WIPF2: variants seen among roughly 807,000 people sequenced by gnomAD.
The protein encoded by WIPF2 is WAS/WASL-interacting protein family member 2.
In WIPF2, 23 loss-of-function variants were observed where a neutral mutation model predicts 38.8. The ratio of observed to expected loss-of-function variants is 0.59; its 90% CI spans 0.43 to 0.84. The LOEUF (loss-of-function observed/expected upper bound fraction) is 0.84. WIPF2 is among the 40% of genes least tolerant of loss of function. The pLI is 0.00. For synonymous variants in WIPF2, 210 were observed against 223.2 expected (o/e 0.94, Z 0.53); for missense variants, 574 against 580.5 (o/e 0.99, Z 0.11).
chr17:40,264,784 A>G lies in WIPF2; in HGVS notation c.608A>G (p.Tyr203Cys). 6.3e-7 allele frequency: 1 copy of G among 1,599,886 alleles called. No individual in the cohort carries two copies. The highest frequency in any genetic ancestry group is 8.5e-7 in the Non-Finnish European group (1 of 1,177,070). ...ATGCACAGCAGCAAAGCCCCCGCCT[A>G]CAACAGAGAGAAACCCTTGCCACCG... The part of the protein sequence containing the change: ...LPMHSSKAPA[Y>C]NREKPLPPTP... The change falls in exon 5 of 8, where the codon TAC (tyrosine) becomes TGC (cysteine). Residue 203 changes from tyrosine to cysteine, a missense_variant. Physicochemically the swap from Tyr to Cys is radical, Grantham distance 194. Transcript: ENST00000323571.
chr17:40,229,022 G>A (rs2030625690), intron 1 of WIPF2, among the ~76,000 whole-genome samples: 1 of 151,536 alleles, frequency 6.6e-6, no homozygotes, highest in Non-Finnish European at 1.5e-5. Context: ...TCTTGCCTTA[G>A]CCTCCTAAAT....
chr17:40,271,526 C>G (rs1012765848), intron 5 of WIPF2, among the ~76,000 whole-genome samples: 1 of 151,266 alleles, frequency 6.6e-6, no homozygotes, highest in South Asian at 2.1e-4. Flanking sequence ...AAAAATTGAA[C>G]ATGGCCTAGA....
intron 1 of WIPF2, among the ~76,000 whole-genome samples, chr17:40,226,210 T>TAAAAA (rs1567708020): frequency 9.7e-6 from 1 of 103,342 alleles, no homozygotes; most frequent in African/African-American, 3.5e-5. Context: ...AAAAAAAAAT[T>TAAAAA]TTTTTTTTTT....
At chr17:40,236,770 G>A (rs945507305) in intron 1 of WIPF2, among the ~76,000 whole-genome samples, 1 of 151,522 alleles carries the variant, frequency 6.6e-6, no homozygotes, top group Non-Finnish European at 1.5e-5. Flanking sequence ...CATCACGGCC[G>A]GCTAATTTTT....
chr17:40,276,816 C>T (rs575074253), intron 6 of WIPF2, among the ~76,000 whole-genome samples: 2 of 151,964 alleles, frequency 1.3e-5, no homozygotes, highest in Non-Finnish European at 2.9e-5. Flanking sequence ...GGTGACAGAG[C>T]GAGACTGTCA....
At chr17:40,273,525 T>G (rs1449478699) in intron 5 of WIPF2, 2 of 449,904 alleles carry the variant, frequency 4.4e-6, no homozygotes, top group Non-Finnish European at 7.9e-6. Context: ...ATTAGAATTG[T>G]GGAGGAAGGC....
intron 1 of WIPF2, among the ~76,000 whole-genome samples, chr17:40,234,460 A>C (rs978303074): frequency 6.6e-6 from 1 of 151,994 alleles, no homozygotes; most frequent in African/African-American, 2.4e-5. Context: ...AACAAAAAAA[A>C]CAACCGGAAA....
chr17:40,264,975 A>G lies in WIPF2; in HGVS notation c.799A>G (p.Ser267Gly). Residue 267 changes from serine to glycine, a missense_variant, in exon 5 of 8, where the codon AGC (serine) becomes GGC (glycine). Transcript: ENST00000323571. ...TCCTGGGGTCCCCAATGGACCCTCT[A>G]GCCCCACTAATGAGTCAGCCCCTGA... ...QPPGVPNGPS[S>G]PTNESAPELP... 6.2e-7 allele frequency: 1 copy of G among 1,614,026 alleles called. No individual in the cohort carries two copies. The highest frequency in any genetic ancestry group is 8.5e-7 in the Non-Finnish European group (1 of 1,179,978).
intron 1 of WIPF2, among the ~76,000 whole-genome samples, chr17:40,248,542 C>T (rs1310612282): frequency 2.0e-5 from 3 of 152,318 alleles, no homozygotes; most frequent in South Asian, 4.1e-4. Context: ...CACATTCGAT[C>T]CTTCTGCCTC....
chr17:40,220,111 T>G (rs1278843924), intron 1 of WIPF2, among the ~76,000 whole-genome samples: 1 of 152,038 alleles, frequency 6.6e-6, no homozygotes, highest in Non-Finnish European at 1.5e-5. Flanking sequence ...AGGGTTCATG[T>G]TGAAGTGGTG....
At chr17:40,226,983 T>G (rs748146118) in intron 1 of WIPF2, among the ~76,000 whole-genome samples, 30 of 151,814 alleles carry the variant, frequency 2.0e-4, no homozygotes, top group Non-Finnish European at 4.1e-4. Context: ...CCTAGTGATC[T>G]TTCCGCCTCA....
intron 1 of WIPF2, among the ~76,000 whole-genome samples, chr17:40,250,110 G>A (rs751108232): frequency 6.6e-4 from 100 of 151,634 alleles, no homozygotes; most frequent in Non-Finnish European, 5.7e-4. Context: ...GGGATTACAG[G>A]CCTGAGCCAC....
chr17:40,273,732 C>T (rs1198753939), intron 5 of WIPF2, 58 bp from the exon 6 acceptor site: 1 of 1,096,312 alleles, frequency 9.1e-7, no homozygotes, highest in East Asian at 2.4e-5. Context: ...TGTTTCAAGT[C>T]ATTCTACCCC....
chr17:40,227,766 TCA>T (rs1420543731), intron 1 of WIPF2, among the ~76,000 whole-genome samples: 2 of 151,926 alleles, frequency 1.3e-5, no homozygotes, highest in Admixed American at 6.6e-5. Context: ...GGCACAAGAA[TCA>T]CTTGAACCTG....
At chr17:40,273,623 T>C (rs2032305071) in intron 5 of WIPF2, 167 bp from the exon 6 acceptor site, 1 of 581,912 alleles carries the variant, frequency 1.7e-6, no homozygotes, top group East Asian at 3.2e-5. Flanking sequence ...ATTCTGAATG[T>C]TGGTATCTGG....
chr17:40,250,391 C>T lies in WIPF2; in HGVS notation c.-69-6000C>T, dbSNP rs147343745. Among the ~76,000 whole-genome samples, 561 of 150,096 alleles carry T rather than the reference C, an allele frequency of 3.7e-3. 2 individuals carry two copies. Among genetic ancestry groups the T allele is most frequent in the African/African-American group, 0.013 (534 of 40,952 alleles). On this transcript the variant is annotated intron_variant, in intron 1 of 7. Transcript: ENST00000323571. Reference sequence around the variant, plus strand: ...GACTACAGGTGCCCGCTGCCATGCCCGGCTAATTTTTTGTATTTTTGTATT... The same window carrying T: ...GACTACAGGTGCCCGCTGCCATGCCTGGCTAATTTTTTGTATTTTTGTATT...
At chr17:40,231,076 A>C (rs1430900967) in intron 1 of WIPF2, among the ~76,000 whole-genome samples, 1 of 152,148 alleles carries the variant, frequency 6.6e-6, no homozygotes, top group Non-Finnish European at 1.5e-5. Context: ...TTATAACTTA[A>C]AGTAGACTCT....
chr17:40,255,827 C>G (rs1208853784), intron 1 of WIPF2, among the ~76,000 whole-genome samples: 1 of 149,852 alleles, frequency 6.7e-6, no homozygotes, highest in African/African-American at 2.5e-5. Flanking sequence ...GGGGTTTCAC[C>G]ATGTTAGCCA....
chr17:40,262,522 C>T lies in WIPF2; in HGVS notation c.197-3C>T. 1 of 1,613,166 alleles carries T rather than the reference C, an allele frequency of 6.2e-7. No individual in the cohort carries two copies. The highest frequency in any genetic ancestry group is 1.1e-5 in the South Asian group (1 of 91,004). On this transcript the variant is annotated splice_region_variant and splice_polypyrimidine_tract_variant and intron_variant, in intron 3 of 7. Transcript: ENST00000323571. The stretch of plus-strand genomic sequence containing the variant: ...ATGAAAACCCTACTGGTATGCTTTC[C>T]AGAGCCGAAAGGAAGCAGTGGTGGC...
Sources: allele counts gnomAD v4.1 joint callset (sites outside exome capture counted in the v4.1 genomes callset), GRCh38; gene constraint gnomAD v4.1.1; transcripts MANE v1.5; gene names NCBI Gene and HGNC (gene_info 2026-07-23, HGNC 2026-07-21).